The following CTNNA3 variants were observed in gnomAD, a reference collection of about 807,000 sequenced individuals.
CTNNA3 encodes the protein catenin alpha-3.
CTNNA3 carries 76 observed loss-of-function variants against 95.7 expected under a neutral mutation model. The observed-to-expected ratio is 0.79, with a 90% CI of 0.66 to 0.96. The LOEUF (loss-of-function observed/expected upper bound fraction) is 0.96. Among genes scored for constraint, CTNNA3 ranks in the 40% least tolerant of loss-of-function variants. The pLI is 0.00. For synonymous variants in CTNNA3, 431 were observed against 374.4 expected (o/e 1.15, Z -1.74); for missense variants, 1,191 against 1,089.8 (o/e 1.09, Z -1.31).
intron 11 of CTNNA3, among the ~76,000 whole-genome samples, chr10:66,433,024 A>G (rs917138586): frequency 2.0e-5 from 3 of 152,184 alleles, no homozygotes; most frequent in Admixed American, 6.5e-5. Context: ...TATATGTGCC[A>G]CATTTTCTTG....
At chr10:65,967,281 C>T (rs2077992045) in intron 16 of CTNNA3, among the ~76,000 whole-genome samples, 1 of 151,998 alleles carries the variant, frequency 6.6e-6, no homozygotes, top group Non-Finnish European at 1.5e-5. Context: ...AATTTTTAGA[C>T]ATAAAAAGGT....
chr10:66,776,460 C>T (rs1436657422), intron 7 of CTNNA3, among the ~76,000 whole-genome samples: 3 of 152,168 alleles, frequency 2.0e-5, no homozygotes, highest in Non-Finnish European at 2.9e-5. Flanking sequence ...CACGAGGAAG[C>T]ATGTCTGACA....
chr10:67,579,300 G>A (rs986444879), intron 3 of CTNNA3, among the ~76,000 whole-genome samples: 12 of 146,530 alleles, frequency 8.2e-5, no homozygotes, highest in Middle Eastern at 3.2e-3. Flanking sequence ...GAGAACATGC[G>A]GTCTTTGGTT....
chr10:67,190,312 C>T (rs1295601750), intron 6 of CTNNA3, among the ~76,000 whole-genome samples: 2 of 151,614 alleles, frequency 1.3e-5, no homozygotes, highest in Non-Finnish European at 2.9e-5. Context: ...ATAATGATAT[C>T]ATATATATTT....
At chr10:66,403,571 C>T (rs894958799) in intron 11 of CTNNA3, among the ~76,000 whole-genome samples, 5 of 152,116 alleles carry the variant, frequency 3.3e-5, no homozygotes, top group African/African-American at 1.2e-4. Context: ...ATCCAATCAC[C>T]TTCCACCATG....
intron 1 of CTNNA3, among the ~76,000 whole-genome samples, chr10:67,745,189 G>C (rs1485213130): frequency 6.6e-6 from 1 of 152,066 alleles, no homozygotes; most frequent in African/African-American, 2.4e-5. Context: ...AAATCATGCT[G>C]CTATAAAGAC....
At chr10:66,205,794 C>G (rs1035055281) in intron 13 of CTNNA3, among the ~76,000 whole-genome samples, 2 of 151,958 alleles carry the variant, frequency 1.3e-5, no homozygotes, top group African/African-American at 2.4e-5. Flanking sequence ...ATCCATAAAG[C>G]CTGTCATTAT....
At chr10:66,489,757 C>G (rs935882351) in intron 11 of CTNNA3, among the ~76,000 whole-genome samples, 1 of 152,122 alleles carries the variant, frequency 6.6e-6, no homozygotes, top group Non-Finnish European at 1.5e-5. Context: ...CAGGAAGGAG[C>G]CAGAGTCTCC....
chr10:66,027,195 G>A (rs534755786), intron 15 of CTNNA3, among the ~76,000 whole-genome samples: 1 of 152,002 alleles, frequency 6.6e-6, no homozygotes, highest in African/African-American at 2.4e-5. Flanking sequence ...TTATGTTCTT[G>A]CAGTTTCAAT....
chr10:66,652,734 T>A (rs1237988748), intron 9 of CTNNA3, among the ~76,000 whole-genome samples: 1 of 152,000 alleles, frequency 6.6e-6, no homozygotes, highest in East Asian at 1.9e-4. Context: ...GATACAAATA[T>A]CCTCAACAAA....
intron 5 of CTNNA3, among the ~76,000 whole-genome samples, chr10:67,461,971 T>A (rs1178046293): frequency 1.3e-5 from 2 of 152,222 alleles, no homozygotes; most frequent in African/African-American, 2.4e-5. Flanking sequence ...ATTTTGTTTT[T>A]AATCACAGCT....
At chr10:66,322,482 A>G (rs2132292229) in intron 12 of CTNNA3, among the ~76,000 whole-genome samples, 1 of 152,186 alleles carries the variant, frequency 6.6e-6, no homozygotes, top group Admixed American at 6.5e-5. Context: ...GGAGGAGGTG[A>G]GGCAGCTGGA....
intron 10 of CTNNA3, among the ~76,000 whole-genome samples, chr10:66,603,159 G>A (rs1009802856): frequency 1.3e-5 from 2 of 152,074 alleles, no homozygotes; most frequent in Middle Eastern, 3.4e-3. Context: ...AATTATCCTC[G>A]TTTGTATATA....
chr10:67,383,684 A>G (rs1844034334), intron 5 of CTNNA3, among the ~76,000 whole-genome samples: 1 of 152,212 alleles, frequency 6.6e-6, no homozygotes. Flanking sequence ...TTGGAGTTCA[A>G]TGATTAGTTA....
chr10:66,210,707 AG>A (rs1215315017), intron 13 of CTNNA3, among the ~76,000 whole-genome samples: 1 of 152,234 alleles, frequency 6.6e-6, no homozygotes, highest in African/African-American at 2.4e-5. Context: ...GAAAGATATC[AG>A]TGTATGCTAA....
intron 17 of CTNNA3, among the ~76,000 whole-genome samples, chr10:65,938,087 G>A (rs951769953): frequency 6.6e-6 from 1 of 152,168 alleles, no homozygotes; most frequent in African/African-American, 2.4e-5. Context: ...GATTTTGAAG[G>A]AAAGCAATGA....
At position 66,520,766 on chromosome 10, in the gene CTNNA3, T is replaced by C. The variant is rs751206907; in HGVS notation, c.1382A>G (p.Asn461Ser). 11 of 1,612,196 alleles carry C rather than the reference T, an allele frequency of 6.8e-6. No homozygotes were observed. The East Asian group carries it at 1.3e-4, about 20-fold the overall frequency. ...TCTTGCAGCCAAAGCAAGTGCAGCA[T>C]TAATAATCTATAAAGATAAGGATTG... ...HLETLCPQII[N>S]AALALAARPK... Residue 461 changes from asparagine (N) to serine (S), a missense_variant, in exon 11 of 18, where the codon AAT (asparagine) becomes AGT (serine). Physicochemically the swap from Asn to Ser is conservative, Grantham distance 46. Transcript: ENST00000433211.
chr10:67,404,116 A>G (rs539368545), intron 5 of CTNNA3, among the ~76,000 whole-genome samples: 28 of 152,332 alleles, frequency 1.8e-4, no homozygotes, highest in African/African-American at 6.3e-4. Context: ...ACAAAAACAC[A>G]GAAAACTCAA....
intron 7 of CTNNA3, among the ~76,000 whole-genome samples, chr10:66,901,156 C>T (rs1307611048): frequency 1.3e-5 from 2 of 152,144 alleles, no homozygotes; most frequent in Non-Finnish European, 2.9e-5. Context: ...CAAAAGGAAG[C>T]CCATCAAACT....
Sources: gnomAD v4.1 joint callset for allele counts (sites outside exome capture counted in the v4.1 genomes callset) on GRCh38, gnomAD v4.1.1 for gene constraint, MANE v1.5 for transcripts, NCBI Gene and HGNC (gene_info 2026-07-23, HGNC 2026-07-21) for gene names.